PIP5K1B: variants seen among roughly 807,000 people sequenced by gnomAD.
PIP5K1B encodes the protein phosphatidylinositol-4-phosphate 5-kinase type 1 beta.
A neutral mutation model predicts 67.0 loss-of-function variants in PIP5K1B; 42 were observed. The ratio of observed to expected loss-of-function variants is 0.63; its 90% confidence interval spans 0.49 to 0.81. The LOEUF is 0.81. PIP5K1B is among the 30% of genes least tolerant of loss of function. The probability of loss-of-function intolerance (pLI) is 0.00; values close to 1 mark genes in which losing one functional copy is unlikely to be tolerated. For synonymous variants in PIP5K1B, 214 were observed against 231.4 expected (o/e 0.92, Z 0.68); for missense variants, 459 against 646.3 (o/e 0.71, Z 3.14).
intron 12 of PIP5K1B, among the ~76,000 whole-genome samples, chr9:68,929,454 C>G (rs1406603209): frequency 4.6e-5 from 7 of 152,164 alleles, no homozygotes; most frequent in Non-Finnish European, 4.4e-5. Flanking sequence ...CGATCTGTCT[C>G]TCTTCAGTTC....
At position 68,736,957 on chromosome 9, in the gene PIP5K1B, A is replaced by T. The variant is rs1368671742; in HGVS notation, c.-242-5544A>T. On this transcript the variant is annotated intron_variant, in intron 1 of 15. Transcript: ENST00000265382. ...TTTACTTAACCATTCCCATTGTTGA[A>T]TACTTAGAAGGCATCCAGTTTGGGG... 4.6e-5 allele frequency among the ~76,000 whole-genome samples: 7 copies of T among 152,330 alleles called. No individual in the cohort carries two copies. In the East Asian group the frequency reaches 1.3e-3, roughly 29 times the overall value.
chr9:68,985,720 C>T (rs1830069965), intron 14 of PIP5K1B, among the ~76,000 whole-genome samples: 1 of 152,250 alleles, frequency 6.6e-6, no homozygotes, highest in Admixed American at 6.5e-5. Flanking sequence ...CCTCCACGGG[C>T]CTGCACTCAC....
At chr9:68,709,742 T>C (rs1827296420) in intron 1 of PIP5K1B, among the ~76,000 whole-genome samples, 1 of 152,026 alleles carries the variant, frequency 6.6e-6, no homozygotes. Flanking sequence ...CAAGACCCCA[T>C]CTATGCAAAA....
At chr9:68,972,680 C>T (rs1024051622) in intron 14 of PIP5K1B, among the ~76,000 whole-genome samples, 1 of 152,152 alleles carries the variant, frequency 6.6e-6, no homozygotes, top group African/African-American at 2.4e-5. Flanking sequence ...ACTTTATGTA[C>T]ATACATATGT....
chr9:68,937,058 G>A (rs929618161), intron 13 of PIP5K1B, among the ~76,000 whole-genome samples: 3 of 152,110 alleles, frequency 2.0e-5, no homozygotes, highest in African/African-American at 7.2e-5. Flanking sequence ...CAGAGATATT[G>A]GCCTGAAATT....
At chr9:68,826,075 T>G (rs146207185) in intron 4 of PIP5K1B, among the ~76,000 whole-genome samples, 1 of 152,314 alleles carries the variant, frequency 6.6e-6, no homozygotes, top group African/African-American at 2.4e-5. Flanking sequence ...CTAACATTGG[T>G]CCGTGAGGTT....
intron 12 of PIP5K1B, among the ~76,000 whole-genome samples, chr9:68,926,806 A>C (rs948107726): frequency 5.9e-5 from 9 of 152,102 alleles, no homozygotes; most frequent in Non-Finnish European, 1.2e-4. Context: ...TGCTGACCTC[A>C]GGTGATCTAC....
intron 8 of PIP5K1B, among the ~76,000 whole-genome samples, chr9:68,898,221 A>G (rs767487251): frequency 6.6e-6 from 1 of 152,088 alleles, no homozygotes; most frequent in Non-Finnish European, 1.5e-5. Flanking sequence ...GCTGAGCCCA[A>G]TTCCCCCACA....
chr9:68,848,428 C>T (rs1347634870), intron 4 of PIP5K1B, among the ~76,000 whole-genome samples: 1 of 152,174 alleles, frequency 6.6e-6, no homozygotes, highest in African/African-American at 2.4e-5. Flanking sequence ...TGTTTCTCAA[C>T]CCCCACTTCA....
chr9:68,771,018 T>C (rs1310262119), intron 2 of PIP5K1B, among the ~76,000 whole-genome samples: 3 of 152,170 alleles, frequency 2.0e-5, no homozygotes, highest in Non-Finnish European at 2.9e-5. Flanking sequence ...TACTCTTTCA[T>C]AGAGAAAGAG....
rs757067006 is a variant in PIP5K1B, at chr9:68,894,581, G to A, written c.714G>A (p.Leu238=). The A allele has an allele frequency of 6.2e-7, 1 of 1,614,176 alleles. No individual in the cohort carries two copies. The highest frequency in any genetic ancestry group is 8.5e-7 in the Non-Finnish European group (1 of 1,179,996). The change falls in exon 8 of 16, where the codon TTG becomes TTA. Residue 238 remains leucine (L), a synonymous_variant. Transcript: ENST00000265382. The stretch of plus-strand genomic sequence containing the variant: ...TCCTGCAAGACATGCACGAAGGGTT[G>A]TATTTTGATACGGAAACATACAACG... ...LDFLQDMHEG[L]YFDTETYNAL...
intron 1 of PIP5K1B, among the ~76,000 whole-genome samples, chr9:68,711,433 T>C (rs540547363): frequency 2.6e-5 from 4 of 152,314 alleles, no homozygotes; most frequent in Middle Eastern, 6.8e-3. Flanking sequence ...TATTTGACAA[T>C]GGAAAAGGTT....
At chr9:68,916,898 GAGA>G (rs1334151779) in intron 8 of PIP5K1B, among the ~76,000 whole-genome samples, 4 of 151,664 alleles carry the variant, frequency 2.6e-5, no homozygotes, top group East Asian at 1.9e-4. Context: ...AAGAGGTTTT[GAGA>G]AGAAGACCAC....
chr9:68,958,557 A>T (rs548632013), intron 14 of PIP5K1B, among the ~76,000 whole-genome samples: 1 of 152,340 alleles, frequency 6.6e-6, no homozygotes, highest in African/African-American at 2.4e-5. Context: ...TTTTATTGAG[A>T]CATCCAAGCA....
chr9:68,828,973 A>C (rs1834140075), intron 4 of PIP5K1B, among the ~76,000 whole-genome samples: 1 of 152,172 alleles, frequency 6.6e-6, no homozygotes, highest in Admixed American at 6.5e-5. Context: ...ACGGTGGTGC[A>C]AGCCTGTGAT....
At chr9:68,760,355 C>A (rs1347477541) in intron 2 of PIP5K1B, among the ~76,000 whole-genome samples, 2 of 152,038 alleles carry the variant, frequency 1.3e-5, no homozygotes, top group African/African-American at 4.8e-5. Flanking sequence ...AAACAGAAGT[C>A]CTCAGTGAAA....
intron 15 of PIP5K1B, among the ~76,000 whole-genome samples, chr9:69,000,383 T>C (rs1564308153): frequency 6.6e-6 from 1 of 152,112 alleles, no homozygotes; most frequent in Non-Finnish European, 1.5e-5. Context: ...TTTAAAGACT[T>C]CCTAAATCCC....
At chr9:69,000,510 G>A (rs538613967) in intron 15 of PIP5K1B, among the ~76,000 whole-genome samples, 2 of 152,270 alleles carry the variant, frequency 1.3e-5, no homozygotes, top group South Asian at 4.1e-4. Context: ...CAAGATCAAG[G>A]TGTTGGCAGG....
At chr9:68,825,279 T>A (rs1833923611) in intron 4 of PIP5K1B, among the ~76,000 whole-genome samples, 1 of 152,140 alleles carries the variant, frequency 6.6e-6, no homozygotes, top group African/African-American at 2.4e-5. Context: ...GGTGGATAAG[T>A]ATGGGTTAAA....
Sources: allele counts gnomAD v4.1 joint callset (sites outside exome capture counted in the v4.1 genomes callset), GRCh38; gene constraint gnomAD v4.1.1; transcripts MANE v1.5; gene names NCBI Gene and HGNC (gene_info 2026-07-23, HGNC 2026-07-21).